Variants in DSC2 observed in about 807,000 individuals in gnomAD.
The protein encoded by DSC2 is desmocollin-2.
Under a neutral mutation model 87.6 loss-of-function variants are expected in DSC2, and 51 were observed. That is an observed-to-expected ratio of 0.58 (90% CI 0.46 to 0.74). The LOEUF (loss-of-function observed/expected upper bound fraction) is 0.74. DSC2 is among the 30% of genes least tolerant of loss of function. The pLI is 0.00. For synonymous variants in DSC2, 383 were observed against 393.2 expected, an observed-to-expected ratio of 0.97 and a Z score of 0.31; for missense variants, 1,066 against 1,089.5, an observed-to-expected ratio of 0.98 and a Z score of 0.30.
At position 31,092,298 on chromosome 18, in the gene DSC2, TAACTGTAGAAAATATGCAC is replaced by T; in HGVS notation, c.155-17_156del. 1 of 1,612,864 alleles carries T rather than the reference TAACTGTAGAAAATATGCAC, an allele frequency of 6.2e-7. No homozygotes were observed. Among genetic ancestry groups the T allele is most frequent in the Non-Finnish European group, 8.5e-7 (1 of 1,179,026 alleles). On this transcript the variant is annotated splice_acceptor_variant and splice_polypyrimidine_tract_variant and coding_sequence_variant and intron_variant, in exon 3 of 16. Transcript: ENST00000280904. LOFTEE classifies it high-confidence loss of function. The stretch of plus-strand genomic sequence containing the variant: ...GCAGCTGTAAAGCACTCTTTCAGGT[TAACTGTAGAAAATATGCAC>T]AGCAATCATTTTTAAAGTAAAACAT...
At chr18:31,074,940 T>A in intron 11 of DSC2, 33 bp from the exon 12 acceptor site, 1 of 1,572,168 alleles carries the variant, frequency 6.4e-7, no homozygotes, top group Non-Finnish European at 8.6e-7. Flanking sequence ...AGTTTTTCTA[T>A]GTTTTGAGTT....
In DSC2 at chr18:31,068,893, C is replaced by G; in HGVS notation, c.2508+1G>C. 1 of 1,613,206 alleles carries G rather than the reference C, an allele frequency of 6.2e-7. No individual in the cohort carries two copies. Among genetic ancestry groups the G allele is most frequent in the Non-Finnish European group, 8.5e-7 (1 of 1,179,998 alleles). ...TTTGTAGGCCACTTAGGAAAACTCA[C>G]TTCACCAAGACGGGGCTGAGTAAAA... On this transcript the variant is annotated splice_donor_variant, in intron 15 of 15. Coordinates refer to ENST00000280904, the MANE Select transcript of DSC2 (RefSeq NM_024422.6). LOFTEE classifies it high-confidence loss of function.
At chr18:31,099,604 C>T (rs1987870070) in intron 1 of DSC2, among the ~76,000 whole-genome samples, 1 of 151,172 alleles carries the variant, frequency 6.6e-6, no homozygotes, top group East Asian at 1.9e-4. Context: ...AAAAAAAAGG[C>T]GGGGGGGAGT....
rs2144781456 is a variant in DSC2 at position 31,068,205 on chromosome 18, T to C, written c.2516A>G (p.Tyr839Cys). The C allele has an allele frequency of 1.2e-6, 2 of 1,614,118 alleles. No homozygotes were observed. Among genetic ancestry groups the C allele is most frequent in the Non-Finnish European group, 8.5e-7 (1 of 1,180,000 alleles). Reference protein sequence around the residue: ...FTQPRLGEKVYLCNQDENHKH... With the variant: ...FTQPRLGEKVCLCNQDENHKH... Reference sequence around the variant, plus strand: ...GTGATTTTCATCTTGATTACACAGATACACTTTCTGCCAAGGGGAAAAACA... The same window carrying C: ...GTGATTTTCATCTTGATTACACAGACACACTTTCTGCCAAGGGGAAAAACA... Residue 839 changes from tyrosine (Y) to cysteine (C), a missense_variant, in exon 16 of 16, where the codon TAT becomes TGT. Physicochemically the swap from Tyr to Cys is radical, Grantham distance 194. Transcript: ENST00000280904.
chr18:31,079,700 A>C (rs1217789308), intron 11 of DSC2, 147 bp downstream of exon 11: 4 of 865,048 alleles, frequency 4.6e-6, no homozygotes, highest in African/African-American at 1.7e-5. Context: ...TGAGTTAATA[A>C]ATTATAGTAA....
intron 1 of DSC2, among the ~76,000 whole-genome samples, chr18:31,100,284 C>G (rs902556374): frequency 6.6e-6 from 1 of 152,140 alleles, no homozygotes; most frequent in Non-Finnish European, 1.5e-5. Context: ...GATACCCCAC[C>G]TCCTCCTAAA....
chr18:31,084,485 A>C (rs1987330593), intron 7 of DSC2, among the ~76,000 whole-genome samples: 1 of 152,116 alleles, frequency 6.6e-6, no homozygotes, highest in Non-Finnish European at 1.5e-5. Flanking sequence ...AGGGACTAAA[A>C]GGTTGTAGGC....
In DSC2 at chr18:31,083,043, CT is replaced by C. The variant is rs1987282253; in HGVS notation, c.959del (p.Gln320ArgfsTer2). 6.2e-7 allele frequency: 1 copy of C among 1,612,356 alleles called. No individual in the cohort carries two copies. Among genetic ancestry groups the C allele is most frequent in the Non-Finnish European group, 8.5e-7 (1 of 1,179,466 alleles). ...CCATGTCTTGTACTTTTATTTTCAA[CT>C]GGTACTTGTCAATTAACTGAAAACA... is the stretch of plus-strand genomic sequence containing the variant. The part of the protein sequence containing the change: ...QLDRELIDKY[Q>X]LKIKVQDMDG... On this transcript the variant is annotated frameshift_variant, in exon 8 of 16. Coordinates refer to ENST00000280904, the MANE Select transcript of DSC2 (RefSeq NM_024422.6). LOFTEE classifies it high-confidence loss of function.
At chr18:31,090,987 G>A in intron 4 of DSC2, 41 bp downstream of exon 4, 1 of 1,613,432 alleles carries the variant, frequency 6.2e-7, no homozygotes, top group Non-Finnish European at 8.5e-7. Context: ...GTAAGAGATG[G>A]AAACTATAGA....
chr18:31,094,705 TTA>T (rs1987709431), intron 1 of DSC2, among the ~76,000 whole-genome samples: 1 of 152,236 alleles, frequency 6.6e-6, no homozygotes, highest in African/African-American at 2.4e-5. Context: ...TATTAAAGAC[TTA>T]AATTATCCAG....
chr18:31,078,868 T>A (rs1488080184), intron 11 of DSC2, among the ~76,000 whole-genome samples: 36 of 152,198 alleles, frequency 2.4e-4, no homozygotes, highest in Admixed American at 2.4e-3. Flanking sequence ...TTATATTTTA[T>A]GCACCAAACG....
At chr18:31,068,810 A>C in intron 15 of DSC2, 84 bp downstream of exon 15, 1 of 1,527,616 alleles carries the variant, frequency 6.5e-7, no homozygotes, top group Non-Finnish European at 9.0e-7. Context: ...TAATTAATTG[A>C]AAATTATAGT....
Position 31,062,320 on chromosome 18 carries a change from A to G in DSC2, c.*5695T>C, listed in dbSNP as rs1330500916. On this transcript the variant is annotated 3_prime_UTR_variant, in exon 16 of 16. Transcript: ENST00000280904. The stretch of plus-strand genomic sequence containing the variant: ...AACTAATGGGAATTTTGGCAAACTC[A>G]TAAGAATCATTTCTTGAATTTCTAA... 3 of 152,298 alleles carry G rather than the reference A, an allele frequency of 2.0e-5. No homozygotes were observed. Among genetic ancestry groups the G allele is most frequent in the African/African-American group, 2.4e-5 (1 of 41,556 alleles). 9.4% of individuals were successfully genotyped at this position (152,298 alleles called of 1,614,324 possible).
intron 11 of DSC2, among the ~76,000 whole-genome samples, chr18:31,078,757 T>G (rs930303614): frequency 2.6e-5 from 4 of 152,170 alleles, no homozygotes; most frequent in Non-Finnish European, 4.4e-5. Context: ...CCAAAATCAC[T>G]TCTAAATTCT....
At position 31,082,289 on chromosome 18, in the gene DSC2, A is replaced by G. The variant is rs1567977865; in HGVS notation, c.1212T>C (p.Phe404=). Residue 404 remains phenylalanine, a synonymous_variant, in exon 9 of 16, where the codon TTT becomes TTC. Transcript: ENST00000280904. ...TILKGNENGN[F]KIVTDAKTNE... ...TGGTTTTGGCATCTGTTACAATTTT[A>G]AAATTGCCATTTTCATTGCCCTTTA... 1 of 1,613,824 alleles carries G rather than the reference A, an allele frequency of 6.2e-7. No homozygotes were observed. Among genetic ancestry groups the G allele is most frequent in the Non-Finnish European group, 8.5e-7 (1 of 1,179,944 alleles).
intron 13 of DSC2, 74 bp from the exon 14 acceptor site, chr18:31,070,924 A>G (rs1986807257): frequency 6.5e-7 from 1 of 1,528,658 alleles, no homozygotes; most frequent in Non-Finnish European, 9.0e-7. Context: ...TGGTTAATAC[A>G]CACATAAATC....
At chr18:31,083,778 C>T (rs1598584407) in intron 7 of DSC2, among the ~76,000 whole-genome samples, 1 of 152,122 alleles carries the variant, frequency 6.6e-6, no homozygotes, top group Non-Finnish European at 1.5e-5. Flanking sequence ...AAACTCATCA[C>T]TACCTTAAAA....
chr18:31,090,772 C>A (rs1987565943), intron 4 of DSC2, among the ~76,000 whole-genome samples: 1 of 152,142 alleles, frequency 6.6e-6, no homozygotes, highest in African/African-American at 2.4e-5. Flanking sequence ...CTTGGCGATA[C>A]CCTTGCTGAT....
Position 31,091,211 on chromosome 18 carries a change from A to T in DSC2, c.355-64T>A, listed in dbSNP as rs113858441. On this transcript the variant is annotated intron_variant, in intron 3 of 15. Transcript: ENST00000280904. ...ACTACTTTATTCTCAAACATTAAAC[A>T]ATGACACATCTTTCTCCTCTCAGGA... is the stretch of plus-strand genomic sequence containing the variant. 122 of 1,594,218 alleles carry T rather than the reference A, an allele frequency of 7.7e-5. 1 individual carries two copies. In the African/African-American group the frequency reaches 1.5e-3, roughly 19 times the overall value.
Sources: gnomAD v4.1 joint callset for allele counts (sites outside exome capture counted in the v4.1 genomes callset) on GRCh38, gnomAD v4.1.1 for gene constraint, MANE v1.5 for transcripts, NCBI Gene and HGNC (gene_info 2026-07-23, HGNC 2026-07-21) for gene names.